The following SCHIP1 variants were observed in gnomAD, a reference collection of about 807,000 sequenced individuals.
SCHIP1 encodes the protein schwannomin-interacting protein 1.
A neutral mutation model predicts 29.7 loss-of-function variants in SCHIP1; 8 were observed. That is an observed-to-expected ratio of 0.27 (90% CI 0.16 to 0.49). The LOEUF is 0.49. Among genes scored for constraint, SCHIP1 ranks in the 20% least tolerant of loss-of-function variants. SCHIP1 has a pLI of 0.99. For missense variants in SCHIP1, 193 were observed against 294.6 expected (o/e 0.66, Z 2.52); for synonymous variants, 76 against 94.9 (o/e 0.80, Z 1.16).
the SCHIP1 span, among the ~76,000 whole-genome samples, chr3:159,372,062 T>G: frequency 1.3e-5 from 2 of 152,158 alleles, no homozygotes; most frequent in African/African-American, 4.8e-5. Flanking sequence ...TTGAAATAGC[T>G]TCTCAGAATT....
rs889914493 is a variant in SCHIP1, at chr3:159,858,355, A to G, written c.31-7808A>G. On this transcript the variant is annotated intron_variant, in intron 1 of 6. Coordinates refer to ENST00000445224, the Ensembl canonical transcript of SCHIP1. ...TTGAAACACCTCCTCTACCGTAGCC[A>G]TCTTTGTAGATTGCACCTTAGACTC... is the stretch of plus-strand genomic sequence containing the variant. Among the ~76,000 whole-genome samples, 3 of 152,214 alleles carry G rather than the reference A, an allele frequency of 2.0e-5. No homozygotes were observed. The East Asian group carries it at 5.8e-4, about 29-fold the overall frequency.
chr3:159,273,875 T>G, the SCHIP1 span: 1 of 1,613,488 alleles, frequency 6.2e-7, no homozygotes, highest in Non-Finnish European at 8.5e-7. Context: ...GGGCAAGCAC[T>G]CTGACAGTGT....
the SCHIP1 span, among the ~76,000 whole-genome samples, chr3:159,670,444 C>T: frequency 6.6e-6 from 1 of 152,168 alleles, no homozygotes. Context: ...ATTCTCTGAA[C>T]TGAAAACAGA....
At chr3:159,491,870 C>A in the SCHIP1 span, among the ~76,000 whole-genome samples, 64 of 152,288 alleles carry the variant, frequency 4.2e-4, no homozygotes, top group Middle Eastern at 3.4e-3. Flanking sequence ...AGACTGACAC[C>A]TCACACGGCC....
chr3:159,521,904 T>C, the SCHIP1 span, among the ~76,000 whole-genome samples: 1 of 152,238 alleles, frequency 6.6e-6, no homozygotes, highest in African/African-American at 2.4e-5. Flanking sequence ...AGATTGCAAA[T>C]ATTAAAATAC....
chr3:159,799,536 G>A, the SCHIP1 span, among the ~76,000 whole-genome samples: 4 of 152,228 alleles, frequency 2.6e-5, no homozygotes, highest in African/African-American at 4.8e-5. Flanking sequence ...GTCACAAGAC[G>A]GACAAGCCTG....
the SCHIP1 span, among the ~76,000 whole-genome samples, chr3:159,821,590 T>A: frequency 6.6e-6 from 1 of 152,256 alleles, no homozygotes; most frequent in Non-Finnish European, 1.5e-5. Context: ...ACTTATACAC[T>A]GTGCTGTAAC....
the SCHIP1 span, among the ~76,000 whole-genome samples, chr3:159,639,794 C>T: frequency 2.0e-5 from 3 of 152,244 alleles, no homozygotes; most frequent in African/African-American, 7.2e-5. Context: ...GACTTTAAAC[C>T]AGAGTTCATC....
chr3:159,411,397 A>G, the SCHIP1 span, among the ~76,000 whole-genome samples: 3 of 152,158 alleles, frequency 2.0e-5, no homozygotes, highest in Non-Finnish European at 1.5e-5. Flanking sequence ...CATGTACTCC[A>G]TAAATATGTA....
At chr3:159,487,903 G>A in the SCHIP1 span, among the ~76,000 whole-genome samples, 1 of 152,194 alleles carries the variant, frequency 6.6e-6, no homozygotes, top group East Asian at 1.9e-4. Flanking sequence ...TTTATGATAA[G>A]TGACATGATA....
At chr3:159,433,320 A>G in the SCHIP1 span, among the ~76,000 whole-genome samples, 1 of 152,154 alleles carries the variant, frequency 6.6e-6, no homozygotes, top group East Asian at 1.9e-4. Flanking sequence ...TCCTTTGTGG[A>G]CCACATTTAA....
At chr3:159,657,331 T>G in the SCHIP1 span, among the ~76,000 whole-genome samples, 6 of 152,228 alleles carry the variant, frequency 3.9e-5, no homozygotes, top group African/African-American at 1.4e-4. Context: ...CTCTCTGGAC[T>G]TGTGCAGTCA....
At chr3:159,736,798 G>A in the SCHIP1 span, among the ~76,000 whole-genome samples, 1 of 151,160 alleles carries the variant, frequency 6.6e-6, no homozygotes, top group East Asian at 1.9e-4. Context: ...GCAGTGGCGC[G>A]ATCTCAGCTC....
the SCHIP1 span, among the ~76,000 whole-genome samples, chr3:159,602,985 T>C: frequency 2.0e-5 from 3 of 152,134 alleles, no homozygotes; most frequent in Non-Finnish European, 4.4e-5. Context: ...TGCCATAAGA[T>C]TGTCCCCCAC....
At chr3:159,488,955 C>T in the SCHIP1 span, among the ~76,000 whole-genome samples, 10 of 152,108 alleles carry the variant, frequency 6.6e-5, no homozygotes, top group African/African-American at 2.4e-4. Context: ...AACTCTAAGC[C>T]CCTGTGTTTC....
the SCHIP1 span, among the ~76,000 whole-genome samples, chr3:159,550,753 C>T: frequency 2.6e-5 from 4 of 151,996 alleles, no homozygotes; most frequent in East Asian, 1.9e-4. Context: ...TTAGGGTGAA[C>T]TATAAATAAT....
At chr3:159,785,423 G>T in the SCHIP1 span, among the ~76,000 whole-genome samples, 3 of 152,158 alleles carry the variant, frequency 2.0e-5, no homozygotes, top group Non-Finnish European at 4.4e-5. Context: ...ATGTTATCGG[G>T]AGATGGAATG....
the SCHIP1 span, among the ~76,000 whole-genome samples, chr3:159,377,182 C>A: frequency 6.6e-6 from 1 of 152,152 alleles, no homozygotes; most frequent in African/African-American, 2.4e-5. Context: ...AAGCCAAGCA[C>A]CACCTCCTTT....
chr3:159,492,722 C>A, the SCHIP1 span, among the ~76,000 whole-genome samples: 2 of 152,078 alleles, frequency 1.3e-5, no homozygotes, highest in Non-Finnish European at 1.5e-5. Flanking sequence ...CAAGGCAGGC[C>A]AACATTAAAA....
Sources: allele counts gnomAD v4.1 joint callset (sites outside exome capture counted in the v4.1 genomes callset), GRCh38; gene constraint gnomAD v4.1.1; transcripts MANE v1.5; gene names NCBI Gene and HGNC (gene_info 2026-07-23, HGNC 2026-07-21).